Variants in ETV6 observed in about 807,000 individuals in gnomAD.
ETV6 encodes ETS variant transcription factor 6, also known as transcription factor ETV6.
ETV6 carries 16 observed loss-of-function variants against 51.1 expected under a neutral mutation model. The observed-to-expected ratio is 0.31, with a 90% CI of 0.21 to 0.48. ETV6 has a LOEUF of 0.48. ETV6 is among the 20% of genes least tolerant of loss of function. The probability of loss-of-function intolerance (pLI) is 0.99; values close to 1 mark genes in which losing one functional copy is unlikely to be tolerated. For synonymous variants in ETV6, 240 were observed against 224.1 expected (o/e 1.07, Z -0.64); for missense variants, 458 against 594.8 (o/e 0.77, Z 2.39).
At chr12:11,815,173 A>G (rs912257309) in intron 2 of ETV6, among the ~76,000 whole-genome samples, 5 of 152,198 alleles carry the variant, frequency 3.3e-5, no homozygotes, top group African/African-American at 1.2e-4. Context: ...CCATGGCCTC[A>G]TTTGATCTCA....
chr12:11,795,525 C>T, intron 2 of ETV6, among the ~76,000 whole-genome samples: 1 of 152,234 alleles, frequency 6.6e-6, no homozygotes, highest in Non-Finnish European at 1.5e-5. Flanking sequence ...GATTATGTAG[C>T]ACTTTAATGA....
chr12:11,818,385 G>A (rs1222798570), intron 2 of ETV6, among the ~76,000 whole-genome samples: 1 of 152,144 alleles, frequency 6.6e-6, no homozygotes, highest in African/African-American at 2.4e-5. Flanking sequence ...AAAATTAGCT[G>A]AGCGTGGTGA....
At chr12:11,754,657 A>G (rs1944980292) in intron 2 of ETV6, among the ~76,000 whole-genome samples, 1 of 152,254 alleles carries the variant, frequency 6.6e-6, no homozygotes. Flanking sequence ...TATGATTCTC[A>G]TCTGAGGCAT....
At chr12:11,753,671 T>C (rs1171314123) in intron 2 of ETV6, among the ~76,000 whole-genome samples, 1 of 152,206 alleles carries the variant, frequency 6.6e-6, no homozygotes, top group Non-Finnish European at 1.5e-5. Context: ...TCTTCCTTTC[T>C]CTCTCTGGTA....
intron 1 of ETV6, among the ~76,000 whole-genome samples, chr12:11,667,209 G>T (rs973940701): frequency 7.2e-5 from 11 of 152,212 alleles, no homozygotes; most frequent in Non-Finnish European, 1.0e-4. Context: ...ATGGATAGTA[G>T]TTGAACAGAA....
intron 1 of ETV6, among the ~76,000 whole-genome samples, chr12:11,650,990 G>A (rs1468297491): frequency 6.6e-6 from 1 of 152,154 alleles, no homozygotes; most frequent in African/African-American, 2.4e-5. Context: ...GTAGTTGTGT[G>A]TATGCATGTC....
At chr12:11,735,020 T>TGTCTTCG (rs1302980529) in intron 1 of ETV6, among the ~76,000 whole-genome samples, 1 of 151,790 alleles carries the variant, frequency 6.6e-6, no homozygotes, top group East Asian at 1.9e-4. Flanking sequence ...CTTCTACTTA[T>TGTCTTCG]TAATGGGCAA....
Position 11,892,802 on chromosome 12 carries a change from ATTTTCCCTCGGC to A in ETV6, c.*1757_*1768del, listed in dbSNP as rs1217762391. 1 of 232,784 alleles carries A rather than the reference ATTTTCCCTCGGC, an allele frequency of 4.3e-6. No homozygotes were observed. Among genetic ancestry groups the A allele is most frequent in the East Asian group, 6.1e-5 (1 of 16,522 alleles). 14.4% of individuals were successfully genotyped at this position (232,784 alleles called of 1,614,324 possible). On this transcript the variant is annotated 3_prime_UTR_variant, in exon 8 of 8. Transcript: ENST00000396373. ...AGTTTGGGTCACACAGGCAAGAGGA[ATTTTCCCTCGGC>A]CTTACTGACAAGGACACCAACCTAG...
At chr12:11,690,676 G>A (rs1417873212) in intron 1 of ETV6, among the ~76,000 whole-genome samples, 1 of 151,938 alleles carries the variant, frequency 6.6e-6, no homozygotes, top group Admixed American at 6.6e-5. Flanking sequence ...ACCACTTGAG[G>A]TGCAGTTCAA....
chr12:11,736,206 T>A (rs960330523), intron 1 of ETV6, among the ~76,000 whole-genome samples: 1 of 152,204 alleles, frequency 6.6e-6, no homozygotes, highest in Non-Finnish European at 1.5e-5. Context: ...GAAAAATCTT[T>A]TACAAAGGTC....
intron 2 of ETV6, among the ~76,000 whole-genome samples, chr12:11,784,227 C>T (rs182039941): frequency 1.2e-4 from 19 of 152,152 alleles, no homozygotes; most frequent in African/African-American, 1.7e-4. Context: ...ATCAGGAGTT[C>T]GAGACCAGCC....
chr12:11,821,638 C>T (rs1361021029), intron 2 of ETV6, among the ~76,000 whole-genome samples: 1 of 152,000 alleles, frequency 6.6e-6, no homozygotes, highest in Non-Finnish European at 1.5e-5. Flanking sequence ...GAGTTTGAGA[C>T]CAGCCTGGGC....
At chr12:11,851,826 G>A (rs768586711) in intron 3 of ETV6, among the ~76,000 whole-genome samples, 2 of 152,156 alleles carry the variant, frequency 1.3e-5, no homozygotes, top group African/African-American at 4.8e-5. Context: ...TAGGGTATCC[G>A]TGGAGTTTTA....
intron 2 of ETV6, among the ~76,000 whole-genome samples, chr12:11,784,862 A>T (rs1189059071): frequency 1.2e-5 from 1 of 85,758 alleles, no homozygotes; most frequent in African/African-American, 4.8e-5. Context: ...TGCCTTGCTA[A>T]TTTTTTTTTT....
intron 1 of ETV6, among the ~76,000 whole-genome samples, chr12:11,737,051 C>T (rs1192484462): frequency 6.6e-6 from 1 of 152,034 alleles, no homozygotes; most frequent in Non-Finnish European, 1.5e-5. Context: ...GCCTGGGGCT[C>T]CTGTGTGGTT....
chr12:11,668,901 A>C (rs1864250001), intron 1 of ETV6, among the ~76,000 whole-genome samples: 2 of 152,182 alleles, frequency 1.3e-5, no homozygotes, highest in African/African-American at 4.8e-5. Flanking sequence ...CTGTGCTCAA[A>C]GATGGGAGGC....
chr12:11,670,381 G>T (rs927509556), intron 1 of ETV6, among the ~76,000 whole-genome samples: 2 of 152,120 alleles, frequency 1.3e-5, no homozygotes, highest in African/African-American at 4.8e-5. Context: ...CTCAGTTTGA[G>T]GCTACCAATT....
intron 1 of ETV6, among the ~76,000 whole-genome samples, chr12:11,704,408 G>A (rs541468740): frequency 3.9e-5 from 6 of 152,204 alleles, no homozygotes; most frequent in African/African-American, 1.2e-4. Context: ...ATACAGTGGC[G>A]TGATCTCAGC....
intron 1 of ETV6, among the ~76,000 whole-genome samples, chr12:11,732,391 G>T (rs1231043770): frequency 2.0e-5 from 3 of 152,096 alleles, no homozygotes; most frequent in African/African-American, 7.2e-5. Context: ...GAGGATGCTG[G>T]TCTCAATTTC....
Sources: allele counts gnomAD v4.1 joint callset (sites outside exome capture counted in the v4.1 genomes callset), GRCh38; gene constraint gnomAD v4.1.1; transcripts MANE v1.5; gene names NCBI Gene and HGNC (gene_info 2026-07-23, HGNC 2026-07-21).